CSMD1: variants seen among roughly 807,000 people sequenced by gnomAD.
CSMD1 encodes the protein CUB and Sushi multiple domains 1, also known as CUB and sushi domain-containing protein 1.
Under a neutral mutation model 417.5 loss-of-function variants are expected in CSMD1, and 213 were observed. That is an observed-to-expected ratio of 0.51 (90% confidence interval 0.46 to 0.57). The LOEUF (loss-of-function observed/expected upper bound fraction) is 0.57. Among genes scored for constraint, CSMD1 ranks in the 20% least tolerant of loss-of-function variants. The probability of loss-of-function intolerance (pLI) is 0.00; values close to 1 mark genes in which losing one functional copy is unlikely to be tolerated. For missense variants in CSMD1, 6,923 were observed against 4,529.7 expected (o/e 1.53, Z -15.17); for synonymous variants, 2,862 against 1,736.8 (o/e 1.65, Z -16.11).
chr8:4,451,423 C>G (rs1046456823), intron 2 of CSMD1, among the ~76,000 whole-genome samples: 1 of 152,128 alleles, frequency 6.6e-6, no homozygotes, highest in Non-Finnish European at 1.5e-5. Context: ...GTTTTCCACA[C>G]TGAAAAAGTG....
rs138039296 is a variant in CSMD1 at position 4,097,706 on chromosome 8, A to T, written c.416-65607T>A. 7.6e-3 allele frequency among the ~76,000 whole-genome samples: 1,154 copies of T among 152,362 alleles called. 4 individuals carry two copies. Among genetic ancestry groups the T allele is most frequent in the Non-Finnish European group, 0.012 (829 of 68,038 alleles). On this transcript the variant is annotated intron_variant, in intron 3 of 69. Transcript: ENST00000635120. ...ATTTTAGCCCTTGGAATTCAGAAAG[A>T]ACATTCAACATAAGGTTAATACTTA...
intron 5 of CSMD1, among the ~76,000 whole-genome samples, chr8:3,967,925 T>C (rs1260946135): frequency 6.7e-6 from 1 of 150,014 alleles, no homozygotes. Flanking sequence ...CCCAGCACTT[T>C]GGGAGGCCGA....
At chr8:4,157,191 G>A (rs911158892) in intron 3 of CSMD1, among the ~76,000 whole-genome samples, 4 of 152,142 alleles carry the variant, frequency 2.6e-5, no homozygotes, top group Non-Finnish European at 2.9e-5. Flanking sequence ...AAGTGACGAT[G>A]TATGAAATTT....
chr8:4,194,847 T>C (rs907872034), intron 3 of CSMD1, among the ~76,000 whole-genome samples: 8 of 152,120 alleles, frequency 5.3e-5, no homozygotes, highest in Non-Finnish European at 1.0e-4. Flanking sequence ...TTTCAGGATC[T>C]CCCACTGTAT....
At chr8:3,173,403 G>A (rs1483426978) in intron 37 of CSMD1, among the ~76,000 whole-genome samples, 1 of 152,186 alleles carries the variant, frequency 6.6e-6, no homozygotes, top group Admixed American at 6.5e-5. Flanking sequence ...GTAGGGATGA[G>A]AGAGACATGA....
At chr8:3,996,602 T>C (rs1815242151) in intron 5 of CSMD1, among the ~76,000 whole-genome samples, 2 of 152,168 alleles carry the variant, frequency 1.3e-5, no homozygotes, top group South Asian at 2.1e-4. Context: ...AGATAGGTAA[T>C]AATTTAAACA....
At chr8:4,954,711 G>A (rs12114555) in intron 1 of CSMD1, among the ~76,000 whole-genome samples, 14,522 of 152,010 alleles carry the variant, frequency 0.096, 818 homozygotes, top group African/African-American at 0.14. Flanking sequence ...AACTACATAA[G>A]CACCATGGAA....
chr8:3,242,478 T>C (rs1307782636), intron 26 of CSMD1, among the ~76,000 whole-genome samples: 1 of 152,004 alleles, frequency 6.6e-6, no homozygotes, highest in Admixed American at 6.6e-5. Flanking sequence ...CCTCAGACCA[T>C]TTGCCCATTC....
At chr8:4,530,214 G>A (rs1036604891) in intron 2 of CSMD1, among the ~76,000 whole-genome samples, 1 of 149,646 alleles carries the variant, frequency 6.7e-6, no homozygotes, top group Admixed American at 6.7e-5. Flanking sequence ...CGCCAGGCCT[G>A]CCATTGTTAT....
intron 61 of CSMD1, among the ~76,000 whole-genome samples, chr8:2,962,008 T>A (rs1459377301): frequency 6.6e-6 from 1 of 152,214 alleles, no homozygotes; most frequent in Non-Finnish European, 1.5e-5. Context: ...AAGTATTACT[T>A]TTTTACTAAA....
Position 3,188,362 on chromosome 8 carries a change from A to C in CSMD1, c.5524-397T>G, listed in dbSNP as rs1489888849. Among the ~76,000 whole-genome samples, 8 of 123,540 alleles carry C rather than the reference A, an allele frequency of 6.5e-5. No individual in the cohort carries two copies. The East Asian group carries it at 7.4e-4, about 12-fold the overall frequency. The allele number at this position is 123,540 out of a possible 152,430, so 81.0% of individuals were successfully genotyped here. A position where few individuals can be genotyped will look rare whatever the true frequency, so the allele number is the denominator to read the frequency against. ...TCCTCTGTCACCCAGGCTTGAGTGC[A>C]ATGGTGCAATCTTGGCTCACTGCAA... On this transcript the variant is annotated intron_variant, in intron 35 of 69. Coordinates refer to ENST00000635120, the MANE Select transcript of CSMD1 (RefSeq NM_033225.6).
intron 1 of CSMD1, among the ~76,000 whole-genome samples, chr8:4,677,747 T>A (rs777654305): frequency 5.3e-5 from 8 of 152,214 alleles, no homozygotes; most frequent in Non-Finnish European, 8.8e-5. Context: ...CAGATGCTCA[T>A]CAAATACTTG....
chr8:4,566,845 T>C (rs1042414482), intron 2 of CSMD1, among the ~76,000 whole-genome samples: 1 of 151,688 alleles, frequency 6.6e-6, no homozygotes, highest in Non-Finnish European at 1.5e-5. Flanking sequence ...TATGAAGATA[T>C]AGCTCCATCT....
intron 1 of CSMD1, among the ~76,000 whole-genome samples, chr8:4,743,258 A>T (rs1810738801): frequency 6.6e-6 from 1 of 152,188 alleles, no homozygotes; most frequent in Non-Finnish European, 1.5e-5. Context: ...TGTGTGAAAA[A>T]TTTGATGAAG....
chr8:3,190,695 T>C (rs922518480), intron 33 of CSMD1, among the ~76,000 whole-genome samples: 2 of 152,204 alleles, frequency 1.3e-5, no homozygotes, highest in Admixed American at 6.5e-5. Context: ...CTCACATTCA[T>C]TGTAGCATTC....
At chr8:3,405,447 A>G (rs1272873790) in intron 15 of CSMD1, among the ~76,000 whole-genome samples, 1 of 152,218 alleles carries the variant, frequency 6.6e-6, no homozygotes, top group Non-Finnish European at 1.5e-5. Flanking sequence ...CGGCTGTAAC[A>G]AGAACAACAA....
intron 50 of CSMD1, among the ~76,000 whole-genome samples, chr8:3,049,933 G>C (rs7830499): frequency 6.6e-6 from 1 of 151,700 alleles, no homozygotes; most frequent in Non-Finnish European, 1.5e-5. Context: ...AACTACTCTC[G>C]AGAACAACGT....
intron 3 of CSMD1, among the ~76,000 whole-genome samples, chr8:4,177,331 C>T (rs1020333948): frequency 3.9e-5 from 6 of 152,026 alleles, no homozygotes; most frequent in African/African-American, 7.3e-5. Flanking sequence ...TGAATGAATA[C>T]TGGGTACATA....
intron 51 of CSMD1, among the ~76,000 whole-genome samples, chr8:3,019,732 C>T (rs1228850504): frequency 1.3e-5 from 2 of 152,166 alleles, no homozygotes; most frequent in Non-Finnish European, 2.9e-5. Flanking sequence ...TCCAGTTTGG[C>T]AAACAAGTTA....
Sources: gnomAD v4.1 joint callset for allele counts (sites outside exome capture counted in the v4.1 genomes callset) on GRCh38, gnomAD v4.1.1 for gene constraint, MANE v1.5 for transcripts, NCBI Gene and HGNC (gene_info 2026-07-23, HGNC 2026-07-21) for gene names.